CDH7: variants seen among roughly 807,000 people sequenced by gnomAD.
CDH7 encodes cadherin-7.
In CDH7, 25 loss-of-function variants were observed where a neutral mutation model predicts 71.8. That is an observed-to-expected ratio of 0.35 (90% CI 0.25 to 0.49). The LOEUF (loss-of-function observed/expected upper bound fraction) is 0.49, where lower values mean the gene tolerates loss of function less well. Ranked by LOEUF, CDH7 falls within the 20% of genes least tolerant of loss-of-function variation. The pLI is 0.99. For synonymous variants in CDH7, 381 were observed against 363.8 expected, an observed-to-expected ratio of 1.05 and a Z score of -0.54; for missense variants, 862 against 974.6, an observed-to-expected ratio of 0.88 and a Z score of 1.54.
rs201657602 is a variant in CDH7 at position 65,809,850 on chromosome 18, G to T, written c.357G>T (p.Thr119=). 1.9e-6 allele frequency: 3 copies of T among 1,613,836 alleles called. No individual in the cohort carries two copies. The Admixed American group carries it at 5.0e-5, about 27-fold the overall frequency. The change falls in exon 3 of 12, where the codon ACG becomes ACT. Residue 119 remains threonine, a synonymous_variant. Transcript: ENST00000397968. ...ATCGTGAGGAGCAGGCCTACTACAC[G>T]CTCCGAGCTCAAGCGCTGGATAGGC... The part of the protein sequence containing the change: ...RLDREEQAYY[T]LRAQALDRLT...
intron 2 of CDH7, among the ~76,000 whole-genome samples, chr18:65,765,884 G>A (rs866214913): frequency 2.6e-5 from 4 of 151,702 alleles, no homozygotes; most frequent in African/African-American, 9.7e-5. Context: ...ATAGAAAAAT[G>A]GTATCTACAA....
At chr18:65,758,454 C>T (rs1320143108) in intron 1 of CDH7, among the ~76,000 whole-genome samples, 3 of 152,152 alleles carry the variant, frequency 2.0e-5, no homozygotes, top group Non-Finnish European at 4.4e-5. Context: ...TTGGTTACTG[C>T]CAAAAATACT....
chr18:65,768,485 C>T (rs142348825), intron 2 of CDH7, among the ~76,000 whole-genome samples: 1 of 152,256 alleles, frequency 6.6e-6, no homozygotes, highest in Non-Finnish European at 1.5e-5. Flanking sequence ...ATCTGCCCGC[C>T]TCGGCCTCCC....
At position 65,763,001 on chromosome 18, in the gene CDH7, G is replaced by A. The variant is rs759338179; in HGVS notation, c.159G>A (p.Gln53=). The A allele has an allele frequency of 7.4e-6, 12 of 1,613,448 alleles. No homozygotes were observed. Among genetic ancestry groups the A allele is most frequent in the East Asian group, 2.2e-5 (1 of 44,868 alleles). The change falls in exon 2 of 12, where the codon CAG becomes CAA. Residue 53 remains glutamine, a synonymous_variant. Coordinates refer to ENST00000397968, the MANE Select transcript of CDH7 (RefSeq NM_004361.5). ...SRTKRSWVWN[Q]FFVLEEYMGS... is the part of the protein sequence containing the mutation. ...CCAAGCGCAGCTGGGTGTGGAATCA[G>A]TTCTTTGTGCTGGAGGAATACATGG...
At chr18:65,879,606 A>G in intron 11 of CDH7, among the ~76,000 whole-genome samples, 1 of 152,206 alleles carries the variant, frequency 6.6e-6, no homozygotes, top group South Asian at 2.1e-4. Flanking sequence ...TGCACAGAAT[A>G]CATTGTTTAA....
chr18:65,847,312 T>G (rs1374573790), intron 7 of CDH7, among the ~76,000 whole-genome samples: 1 of 152,196 alleles, frequency 6.6e-6, no homozygotes, highest in African/African-American at 2.4e-5. Context: ...AAAGCATTAT[T>G]TGTTTTGTTG....
chr18:65,758,566 C>A (rs1018233734), intron 1 of CDH7, among the ~76,000 whole-genome samples: 9 of 152,120 alleles, frequency 5.9e-5, no homozygotes, highest in African/African-American at 2.2e-4. Flanking sequence ...AGACACTTAT[C>A]TCAAAAAAGA....
chr18:65,850,484 G>A (rs971234520), intron 7 of CDH7, among the ~76,000 whole-genome samples: 31 of 151,816 alleles, frequency 2.0e-4, no homozygotes, highest in African/African-American at 5.6e-4. Context: ...TACATGTAGC[G>A]AGGGTAGCAG....
intron 3 of CDH7, among the ~76,000 whole-genome samples, chr18:65,813,759 G>C (rs1157001319): frequency 1.3e-5 from 2 of 152,040 alleles, no homozygotes; most frequent in African/African-American, 4.8e-5. Context: ...CAGAAGAAAT[G>C]CTTTCCATAT....
intron 11 of CDH7, among the ~76,000 whole-genome samples, chr18:65,878,215 T>C (rs570976700): frequency 1.6e-3 from 243 of 152,312 alleles, no homozygotes; most frequent in Non-Finnish European, 2.5e-3. Context: ...CCATATATGG[T>C]ACACTTTCTA....
Position 65,844,041 on chromosome 18 carries a change from C to T in CDH7, c.1211C>T (p.Pro404Leu). ...ATTGGCACTGTAGCAGCTCATGACC[C>T]AGATTCTTCCAATAGCCCTGTGAGG... ...NIIGTVAAHD[P>L]DSSNSPVRYS... Residue 404 changes from proline to leucine, a missense_variant, in exon 7 of 12, where the codon CCA (proline) becomes CTA (leucine). Coordinates refer to ENST00000397968, the MANE Select transcript of CDH7 (RefSeq NM_004361.5). The T allele has an allele frequency of 6.2e-7, 1 of 1,612,972 alleles. No homozygotes were observed. The highest frequency in any genetic ancestry group is 8.5e-7 in the Non-Finnish European group (1 of 1,179,356).
At chr18:65,784,577 C>T (rs1247059034) in intron 2 of CDH7, among the ~76,000 whole-genome samples, 1 of 152,038 alleles carries the variant, frequency 6.6e-6, no homozygotes, top group African/African-American at 2.4e-5. Context: ...TAAAATATAC[C>T]ATTAGGAGAA....
chr18:65,817,781 T>C (rs1351541708), intron 4 of CDH7, among the ~76,000 whole-genome samples: 1 of 152,222 alleles, frequency 6.6e-6, no homozygotes, highest in East Asian at 1.9e-4. Context: ...TACTTGATTT[T>C]ATTGCCTATT....
At position 65,781,869 on chromosome 18, in the gene CDH7, TC is replaced by T. The variant is rs1910245290; in HGVS notation, c.210+18818del. ...TTCTTTCTTTCTTTCTTTCTTTCTC[TC>T]TCTCTCTCTGTCTCTCTCTCTCTTT... On this transcript the variant is annotated intron_variant, in intron 2 of 11. Transcript: ENST00000397968. 1.7e-4 allele frequency among the ~76,000 whole-genome samples: 20 copies of T among 117,648 alleles called. 1 individual carries two copies. The highest frequency in any genetic ancestry group is 6.6e-4 in the African/African-American group (17 of 25,946). The allele number at this position is 117,648 out of a possible 152,430, so 77.2% of individuals were successfully genotyped here.
chr18:65,853,910 T>TATATATATATATATATATATATCC (rs1913237801), intron 7 of CDH7, among the ~76,000 whole-genome samples: 6 of 11,472 alleles, frequency 5.2e-4, no homozygotes, highest in African/African-American at 4.2e-3. Flanking sequence ...AATTACCATA[T>TATATATATATATATATATATATCC]ATATATATAT....
intron 2 of CDH7, among the ~76,000 whole-genome samples, chr18:65,801,401 C>G (rs1281061333): frequency 6.6e-6 from 1 of 152,140 alleles, no homozygotes; most frequent in Non-Finnish European, 1.5e-5. Flanking sequence ...TAAAGGGACA[C>G]TTTTAATCTG....
At chr18:65,844,734 G>C (rs995276389) in intron 7 of CDH7, among the ~76,000 whole-genome samples, 1 of 151,942 alleles carries the variant, frequency 6.6e-6, no homozygotes, top group African/African-American at 2.4e-5. Context: ...ACATGTTTTT[G>C]TGTGTATGCA....
At chr18:65,869,979 A>C (rs72944091) in intron 11 of CDH7, among the ~76,000 whole-genome samples, 2,506 of 152,260 alleles carry the variant, frequency 0.016, 35 homozygotes, top group Non-Finnish European at 0.024. Context: ...GATTTGGTCT[A>C]TCTCCTTAAC....
rs562847582 is a variant in CDH7, at chr18:65,888,086, A to G, written c.*7192A>G. ...ATGAAGCATAAAACCTGGGGTCAGG[A>G]TGTATGTCCAAACTGAATAGATTAT... On this transcript the variant is annotated 3_prime_UTR_variant, in exon 12 of 12. Transcript: ENST00000397968. 2 of 152,300 alleles carry G rather than the reference A, an allele frequency of 1.3e-5. No homozygotes were observed. The highest frequency in any genetic ancestry group is 6.5e-5 in the Admixed American group (1 of 15,300). The allele number at this position is 152,300 out of a possible 1,614,324, so 9.4% of individuals were successfully genotyped here.
Sources: allele counts gnomAD v4.1 joint callset (sites outside exome capture counted in the v4.1 genomes callset), GRCh38; gene constraint gnomAD v4.1.1; transcripts MANE v1.5; gene names NCBI Gene and HGNC (gene_info 2026-07-23, HGNC 2026-07-21).